The following IRAG1 variants were observed in gnomAD, a reference collection of about 807,000 sequenced individuals.
The protein encoded by IRAG1 is inositol 1,4,5-triphosphate receptor associated 1, also known as IP3R-associated cGMP kinase substrate.
In IRAG1, 62 loss-of-function variants were observed where a neutral mutation model predicts 106.2. The observed-to-expected ratio is 0.58, with a 90% confidence interval of 0.48 to 0.72. IRAG1 has a LOEUF of 0.72. IRAG1 is among the 30% of genes least tolerant of loss of function. The probability of loss-of-function intolerance (pLI) is 0.00; values close to 1 mark genes in which losing one functional copy is unlikely to be tolerated. For missense variants in IRAG1, 1,064 were observed against 1,140.7 expected (o/e 0.93, Z 0.97); for synonymous variants, 462 against 443.9 (o/e 1.04, Z -0.51).
chr11:10,673,524 A>C (rs1001343513), intron 1 of IRAG1, among the ~76,000 whole-genome samples: 30 of 152,144 alleles, frequency 2.0e-4, no homozygotes, highest in African/African-American at 7.0e-4. Context: ...GGCTGTTAAT[A>C]AGTGTGGGGT....
At chr11:10,637,087 T>C (rs1857200451) in intron 2 of IRAG1, among the ~76,000 whole-genome samples, 2 of 152,230 alleles carry the variant, frequency 1.3e-5, no homozygotes, top group South Asian at 4.1e-4. Flanking sequence ...ATAACTTAAC[T>C]ACCCAAAGGG....
intron 1 of IRAG1, among the ~76,000 whole-genome samples, chr11:10,679,335 C>A (rs1860960086): frequency 6.6e-6 from 1 of 152,150 alleles, no homozygotes; most frequent in Non-Finnish European, 1.5e-5. Flanking sequence ...AAACTCTGTA[C>A]CAATGAAGCA....
chr11:10,636,003 T>G (rs1003855166), intron 2 of IRAG1, among the ~76,000 whole-genome samples: 2 of 152,102 alleles, frequency 1.3e-5, no homozygotes, highest in Non-Finnish European at 2.9e-5. Flanking sequence ...ACGTGGGCTG[T>G]GTAGAAGCAG....
chr11:10,575,618 G>A lies in IRAG1; in HGVS notation c.*714C>T, dbSNP rs1340661629. ...ACACACCCAGAGCACACTTTTGAAG[G>A]GTTGTTGGCTCTGTGCACAGGCATG... On this transcript the variant is annotated 3_prime_UTR_variant, in exon 21 of 21. Transcript: ENST00000423302. 1 of 152,278 alleles carries A rather than the reference G, an allele frequency of 6.6e-6. No individual in the cohort carries two copies. The highest frequency in any genetic ancestry group is 2.4e-5 in the African/African-American group (1 of 41,430). 9.4% of individuals were successfully genotyped at this position (152,278 alleles called of 1,614,324 possible). A position where few individuals can be genotyped will look rare whatever the true frequency, so the allele number is the denominator to read the frequency against.
At chr11:10,626,620 C>G in intron 8 of IRAG1, 37 bp from the exon 9 acceptor site, 1 of 1,551,728 alleles carries the variant, frequency 6.4e-7, no homozygotes, top group Non-Finnish European at 8.7e-7. Context: ...CCCTCGGGGG[C>G]AGGTTGAGGG....
rs1271805074 is a variant in IRAG1, at chr11:10,575,265, G to A, written c.*1067C>T. On this transcript the variant is annotated 3_prime_UTR_variant, in exon 21 of 21. Transcript: ENST00000423302. ...TGGGGTTGGAAACCCCATTTGAACT[G>A]AAGCACTGAGGTGCAAGTTTACTCT... 1 of 152,216 alleles carries A rather than the reference G, an allele frequency of 6.6e-6. No individual in the cohort carries two copies. The highest frequency in any genetic ancestry group is 1.5e-5 in the Non-Finnish European group (1 of 68,036). 9.4% of individuals were successfully genotyped at this position (152,216 alleles called of 1,614,324 possible).
At chr11:10,681,510 C>T (rs35663379) in intron 1 of IRAG1, among the ~76,000 whole-genome samples, 8 of 152,322 alleles carry the variant, frequency 5.3e-5, no homozygotes, top group Non-Finnish European at 1.2e-4. Flanking sequence ...CAGTCCTCCT[C>T]CTTGTCACTG....
At chr11:10,690,165 T>A in intron 1 of IRAG1, 1 of 295,752 alleles carries the variant, frequency 3.4e-6, no homozygotes, top group Non-Finnish European at 6.6e-6. Context: ...TGAGGTGGGC[T>A]GATCACTTGA....
Position 10,604,534 on chromosome 11 carries a change from C to T in IRAG1, c.1614G>A (p.Val538=), listed in dbSNP as rs2134349432. Residue 538 remains valine (V), a synonymous_variant, in exon 13 of 21, where the codon GTG becomes GTA. Transcript: ENST00000423302. ...CATTTCTAAAGGCCAAGGACAGTTG[C>T]ACAAACACGTTCTGTTGGGAACAAG... ...LTEKEVENVF[V]QLSLAFRNDS... 7 of 1,614,028 alleles carry T rather than the reference C, an allele frequency of 4.3e-6. No individual in the cohort carries two copies. Among genetic ancestry groups the T allele is most frequent in the Non-Finnish European group, 5.9e-6 (7 of 1,179,902 alleles).
intron 1 of IRAG1, among the ~76,000 whole-genome samples, chr11:10,675,358 G>A (rs754331958): frequency 1.1e-4 from 16 of 152,268 alleles, no homozygotes; most frequent in Non-Finnish European, 1.8e-4. Context: ...TGTGTGTCAC[G>A]TGCACTGCCT....
intron 18 of IRAG1, chr11:10,589,117 G>A (rs1159864324): frequency 6.6e-6 from 1 of 152,144 alleles, no homozygotes; most frequent in Non-Finnish European, 1.5e-5. Context: ...AGTGTAACCA[G>A]CTCTCAAGTA....
chr11:10,629,856 G>T (rs1856552539), intron 4 of IRAG1, 145 bp from the exon 5 acceptor site: 3 of 784,364 alleles, frequency 3.8e-6, no homozygotes, highest in Middle Eastern at 3.6e-4. Context: ...CAAGAGGGTT[G>T]CATGGGGACA....
At position 10,576,471 on chromosome 11, in the gene IRAG1, A is replaced by G. The variant is rs759388233; in HGVS notation, c.2600T>C (p.Val867Ala). 9 of 1,613,880 alleles carry G rather than the reference A, an allele frequency of 5.6e-6. No homozygotes were observed. The highest frequency in any genetic ancestry group is 6.8e-6 in the Non-Finnish European group (8 of 1,179,898). The change falls in exon 21 of 21, where the codon GTT becomes GCT. Residue 867 changes from valine to alanine, a missense_variant. Physicochemically the swap from Val to Ala is moderately conservative, Grantham distance 64. Coordinates refer to ENST00000423302, the MANE Select transcript of IRAG1 (RefSeq NM_130385.4). Reference protein sequence around the residue: ...MMAAVMLVLTVVLGLYNSYNS... With the variant: ...MMAAVMLVLTAVLGLYNSYNS... Reference sequence around the variant, plus strand: ...ATAGGAATTGTAGAGCCCCAGCACAACAGTCAAGACCAGCATCACTGCAGC... The same window carrying G: ...ATAGGAATTGTAGAGCCCCAGCACAGCAGTCAAGACCAGCATCACTGCAGC...
chr11:10,636,376 T>C (rs1857149211), intron 2 of IRAG1, among the ~76,000 whole-genome samples: 1 of 152,076 alleles, frequency 6.6e-6, no homozygotes, highest in Admixed American at 6.5e-5. Context: ...AGGGTCTTAC[T>C]ATGTTGGCCA....
Position 10,617,004 on chromosome 11 carries a change from A to G in IRAG1, c.1447+6774T>C, listed in dbSNP as rs914400572. 17 of 983,908 alleles carry G rather than the reference A, an allele frequency of 1.7e-5. No homozygotes were observed. In the African/African-American group the frequency reaches 2.8e-4, roughly 16 times the overall value. 60.9% of individuals were successfully genotyped at this position (983,908 alleles called of 1,614,324 possible). On this transcript the variant is annotated intron_variant, in intron 10 of 20. Coordinates refer to ENST00000423302, the MANE Select transcript of IRAG1 (RefSeq NM_130385.4). ...TCTGAGTCCCAGGATGGTTCCTAAA[A>G]GTCAAAGCTGCTAGTTGGGGATAAA...
Position 10,676,873 on chromosome 11 carries a change from G to A in IRAG1, c.67+16663C>T, listed in dbSNP as rs78774255. Among the ~76,000 whole-genome samples the A allele has an allele frequency of 7.2e-3, 1,092 of 152,294 alleles. 9 individuals are homozygous for A. The highest frequency in any genetic ancestry group is 0.011 in the Non-Finnish European group (761 of 68,032). On this transcript the variant is annotated intron_variant, in intron 1 of 20. Transcript: ENST00000423302. Reference sequence around the variant, plus strand: ...ATGTTTGGAGGTTCACCCTTCCCACGGCCATTGCTCTGGGGCGAGCGGTGT... The same window carrying A: ...ATGTTTGGAGGTTCACCCTTCCCACAGCCATTGCTCTGGGGCGAGCGGTGT...
chr11:10,689,457 C>T (rs149282171), intron 1 of IRAG1, among the ~76,000 whole-genome samples: 41 of 152,338 alleles, frequency 2.7e-4, no homozygotes, highest in African/African-American at 9.1e-4. Context: ...AAGGCTGGGT[C>T]AGTATCCCAC....
intron 20 of IRAG1, 29 bp from the exon 21 acceptor site, chr11:10,576,604 T>G (rs755749543): frequency 1.2e-6 from 2 of 1,612,880 alleles, no homozygotes; most frequent in Non-Finnish European, 1.7e-6. Context: ...ATGCAGAGGC[T>G]TTAGTATACT....
rs539280892 is a variant in IRAG1, at chr11:10,589,509, C to T, written c.2240+2039G>A. Among the ~76,000 whole-genome samples the T allele has an allele frequency of 1.1e-3, 171 of 152,222 alleles. 7 individuals are homozygous for T. The South Asian group carries it at 0.032, about 28-fold the overall frequency. Reference sequence around the variant, plus strand: ...GTCTTGAACTCCTGACCTCATGAACCACCCGCCTCAGCCTCCCAAACTGCT... The same window carrying T: ...GTCTTGAACTCCTGACCTCATGAACTACCCGCCTCAGCCTCCCAAACTGCT... On this transcript the variant is annotated intron_variant, in intron 18 of 20. Transcript: ENST00000423302.
Sources: allele counts gnomAD v4.1 joint callset (sites outside exome capture counted in the v4.1 genomes callset), GRCh38; gene constraint gnomAD v4.1.1; transcripts MANE v1.5; gene names NCBI Gene and HGNC (gene_info 2026-07-23, HGNC 2026-07-21).